The following GEMIN7 variants were observed in gnomAD, a reference collection of about 807,000 sequenced individuals.
GEMIN7 encodes the protein gem nuclear organelle associated protein 7, also known as gem-associated protein 7.
In GEMIN7, 7 loss-of-function variants were observed where a neutral mutation model predicts 7.8. That is an observed-to-expected ratio of 0.90 (90% CI 0.51 to 1.69). The LOEUF (loss-of-function observed/expected upper bound fraction) is 1.69, where lower values mean the gene tolerates loss of function less well. GEMIN7 is among the 40% of genes most tolerant of loss of function. The probability of loss-of-function intolerance (pLI) is 0.00; values close to 1 mark genes in which losing one functional copy is unlikely to be tolerated. For missense variants in GEMIN7, 159 were observed against 176.2 expected, an observed-to-expected ratio of 0.90 and a Z score of 0.55; for synonymous variants, 68 against 72.4, an observed-to-expected ratio of 0.94 and a Z score of 0.31.
At chr19:45,077,516 T>C (rs968820702), upstream of GEMIN7, among the ~76,000 whole-genome samples, 9 of 152,234 alleles carry the variant, frequency 5.9e-5, no homozygotes, top group African/African-American at 2.2e-4. Flanking sequence ...TTGTGGACTG[T>C]CCTCTCCCCC....
chr19:45,081,799 G>GT (rs1967513938), intron 2 of GEMIN7, among the ~76,000 whole-genome samples: 1 of 152,000 alleles, frequency 6.6e-6, no homozygotes, highest in Admixed American at 6.6e-5. Context: ...GCTAACTTTT[G>GT]TATTTTTAGT....
intron 2 of GEMIN7, among the ~76,000 whole-genome samples, chr19:45,083,789 A>G (rs4574033): frequency 0.6 from 89,679 of 150,456 alleles, 27,369 homozygotes; most frequent in African/African-American, 0.69. Context: ...TCTGGAGACG[A>G]GATTTTGCTA....
chr19:45,077,350 A>G (rs188263951), upstream of GEMIN7, among the ~76,000 whole-genome samples: 2 of 152,200 alleles, frequency 1.3e-5, no homozygotes, highest in African/African-American at 4.8e-5. Context: ...ATAGCCAAGC[A>G]GCTCACCTGC....
chr19:45,080,391 T>C lies in GEMIN7; in HGVS notation c.-9+362T>C, dbSNP rs548983630. 8.2e-4 allele frequency among the ~76,000 whole-genome samples: 125 copies of C among 151,738 alleles called. 1 individual carries two copies. The Middle Eastern group carries it at 0.02, about 25-fold the overall frequency. On this transcript the variant is annotated intron_variant, in intron 2 of 2. Transcript: ENST00000270257. ...AGGAAATGATTTTTTTTTTTTTTTTTTTGAAACAGAGTCTCACTCTGTGGC... is the reference window on the plus strand; with the variant it reads ...AGGAAATGATTTTTTTTTTTTTTTTCTTGAAACAGAGTCTCACTCTGTGGC...
chr19:45,077,368 C>T (rs1432114071), upstream of GEMIN7, among the ~76,000 whole-genome samples: 2 of 152,222 alleles, frequency 1.3e-5, no homozygotes, highest in Admixed American at 6.5e-5. Context: ...TGCCTCCACT[C>T]CGCCTCCTTG....
chr19:45,090,575 G>A lies in GEMIN7; in HGVS notation c.*65G>A, dbSNP rs1014371733. The A allele has an allele frequency of 4.7e-6, 7 of 1,499,840 alleles. No individual in the cohort carries two copies. Among genetic ancestry groups the A allele is most frequent in the Non-Finnish European group, 6.4e-6 (7 of 1,101,866 alleles). The allele number at this position is 1,499,840 out of a possible 1,614,324, so 92.9% of individuals were successfully genotyped here. A position where few individuals can be genotyped will look rare whatever the true frequency, so the allele number is the denominator to read the frequency against. On this transcript the variant is annotated 3_prime_UTR_variant, in exon 3 of 3. Coordinates refer to ENST00000270257, the MANE Select transcript of GEMIN7 (RefSeq NM_024707.3). ...GTATCCCAGGCCTCCCAATGTTCCC[G>A]AGCCAGGAACTCTGGGCCCCATGGA... is the stretch of plus-strand genomic sequence containing the variant.
At chr19:45,076,552 G>C (rs1280257696), upstream of GEMIN7, 1 of 407,734 alleles carries the variant, frequency 2.5e-6, no homozygotes, top group East Asian at 4.3e-5. The surrounding 1 kb of genome is among the most constrained non-coding windows in gnomAD (Gnocchi z 4.9). Context: ...GGGCTCATGG[G>C]AGGGGACCGA....
rs1198933222 is a variant in GEMIN7 at position 45,080,973 on chromosome 19, G to T, written c.-9+944G>T. On this transcript the variant is annotated intron_variant, in intron 2 of 2. Coordinates refer to ENST00000270257, the MANE Select transcript of GEMIN7 (RefSeq NM_024707.3). ...AGGAAAGACCCTGGGGGCTGGTGAG[G>T]CCTGACTAAATTGGAGTGACAGTGG... Among the ~76,000 whole-genome samples the T allele has an allele frequency of 2.0e-5, 3 of 151,970 alleles. 1 individual carries two copies. Among genetic ancestry groups the T allele is most frequent in the South Asian group, 4.2e-4 (2 of 4,816 alleles).
intron 2 of GEMIN7, among the ~76,000 whole-genome samples, chr19:45,087,913 A>G (rs1013589035): frequency 2.0e-5 from 3 of 150,060 alleles, no homozygotes; most frequent in Non-Finnish European, 3.0e-5. Flanking sequence ...ATAAATAAAT[A>G]TGTGTGTGTG....
intron 2 of GEMIN7, among the ~76,000 whole-genome samples, chr19:45,087,120 C>T (rs1359717879): frequency 6.6e-6 from 1 of 151,818 alleles, no homozygotes; most frequent in East Asian, 1.9e-4. Flanking sequence ...GCTGGGATTA[C>T]AGGCGTGAGC....
chr19:45,080,466 C>T (rs1967462219), intron 2 of GEMIN7, among the ~76,000 whole-genome samples: 2 of 151,756 alleles, frequency 1.3e-5, no homozygotes, highest in Admixed American at 1.3e-4. Context: ...ACCTCCGTCT[C>T]CCTGGTTCAA....
At chr19:45,079,704 G>T (rs995903251) in intron 1 of GEMIN7, among the ~76,000 whole-genome samples, 1 of 152,150 alleles carries the variant, frequency 6.6e-6, no homozygotes, top group African/African-American at 2.4e-5. Context: ...TATAAGAAAA[G>T]GAGAGCAATG....
chr19:45,082,099 C>T (rs1967524128), intron 2 of GEMIN7, among the ~76,000 whole-genome samples: 1 of 152,132 alleles, frequency 6.6e-6, no homozygotes, highest in Non-Finnish European at 1.5e-5. Flanking sequence ...TCCTGAGGAC[C>T]TTAAGCCAGA....
chr19:45,075,880 G>A, upstream of GEMIN7: 1 of 1,613,214 alleles, frequency 6.2e-7, no homozygotes, highest in Non-Finnish European at 8.5e-7. Flanking sequence ...GAGGAAGCGG[G>A]TGGTGAGCGT....
upstream of GEMIN7, among the ~76,000 whole-genome samples, chr19:45,077,328 C>CATTA (rs1967374950): frequency 6.6e-6 from 1 of 152,150 alleles, no homozygotes; most frequent in Admixed American, 6.5e-5. Context: ...CAGAAGTCGC[C>CATTA]ATTAAAACCA....
chr19:45,079,703 A>G (rs1477207955), intron 1 of GEMIN7, among the ~76,000 whole-genome samples: 2 of 152,024 alleles, frequency 1.3e-5, no homozygotes, highest in Admixed American at 6.5e-5. Context: ...GTATAAGAAA[A>G]GGAGAGCAAT....
At chr19:45,078,380 G>A (rs1035660768), upstream of GEMIN7, among the ~76,000 whole-genome samples, 12 of 152,110 alleles carry the variant, frequency 7.9e-5, no homozygotes, top group South Asian at 2.5e-3. Context: ...GTGAGCCACC[G>A]TGCCCGGCCT....
In GEMIN7 at chr19:45,091,513, G is replaced by C. The variant is rs1037075494; in HGVS notation, c.*1003G>C. ...ATTAAGTAAAGGTGAGTGTCGTTTC[G>C]TCTCAGTCGCGAAAGTGCGGCGGCC... On this transcript the variant is annotated 3_prime_UTR_variant, in exon 3 of 3. Transcript: ENST00000270257. 6.1e-6 allele frequency: 1 copy of C among 163,084 alleles called. No individual in the cohort carries two copies. Among genetic ancestry groups the C allele is most frequent in the African/African-American group, 2.4e-5 (1 of 41,466 alleles). 10.1% of individuals were successfully genotyped at this position (163,084 alleles called of 1,614,324 possible).
intron 2 of GEMIN7, among the ~76,000 whole-genome samples, chr19:45,087,942 A>AT (rs535770065): frequency 0.087 from 10,140 of 116,312 alleles, 677 homozygotes; most frequent in Non-Finnish European, 0.13. Flanking sequence ...TAGATATATA[A>AT]TTTTTTTTTT....
Sources: allele counts gnomAD v4.1 joint callset (sites outside exome capture counted in the v4.1 genomes callset), GRCh38; gene constraint gnomAD v4.1.1; non-coding constraint Gnocchi (gnomAD v3.1); transcripts MANE v1.5; gene names NCBI Gene and HGNC (gene_info 2026-07-23, HGNC 2026-07-21).